FRY: variants seen among roughly 807,000 people sequenced by gnomAD.
The protein encoded by FRY is protein furry homolog.
A neutral mutation model predicts 348.4 loss-of-function variants in FRY; 128 were observed. The ratio of observed to expected loss-of-function variants is 0.37; its 90% CI spans 0.32 to 0.43. The LOEUF (loss-of-function observed/expected upper bound fraction) is 0.43, where lower values mean the gene tolerates loss of function less well. Among genes scored for constraint, FRY ranks in the 20% least tolerant of loss-of-function variants. FRY has a pLI of 1.00. For synonymous variants in FRY, 1,370 were observed against 1,374.7 expected (o/e 1.00, Z 0.08); for missense variants, 2,736 against 3,695.2 (o/e 0.74, Z 6.73).
chr13:32,135,262 T>A (rs1333085452), intron 10 of FRY, 79 bp downstream of exon 10: 7 of 861,796 alleles, frequency 8.1e-6, no homozygotes, highest in Non-Finnish European at 1.4e-5. Context: ...TGTTTGAGGA[T>A]CCTAAGGACT....
intron 4 of FRY, among the ~76,000 whole-genome samples, chr13:32,118,969 T>TA (rs1364321897): frequency 1.3e-5 from 2 of 152,196 alleles, no homozygotes; most frequent in Non-Finnish European, 2.9e-5. Flanking sequence ...TTTGTTCCTC[T>TA]GTTTTGTCAG....
chr13:32,173,656 C>T lies in FRY; in HGVS notation c.2334+107C>T, dbSNP rs1882218725. ...TACTATTTCAGGTACTTTTATGTTA[C>T]ATGTAGTGTTTCATTCATTGTTAGG... On this transcript the variant is annotated intron_variant, in intron 19 of 60. Coordinates refer to ENST00000542859, the MANE Select transcript of FRY (RefSeq NM_023037.3). 5 of 842,370 alleles carry T rather than the reference C, an allele frequency of 5.9e-6. No homozygotes were observed. The South Asian group carries it at 6.8e-5, about 12-fold the overall frequency. 52.2% of individuals were successfully genotyped at this position (842,370 alleles called of 1,614,324 possible).
chr13:32,093,019 C>T (rs1053637198), intron 2 of FRY, among the ~76,000 whole-genome samples: 5 of 152,126 alleles, frequency 3.3e-5, no homozygotes, highest in African/African-American at 1.2e-4. Context: ...AAAACGTAAA[C>T]ATATGCAAAC....
At chr13:32,194,395 A>G (rs1705994780) in intron 29 of FRY, 98 bp downstream of exon 29, 2 of 1,059,958 alleles carry the variant, frequency 1.9e-6, no homozygotes, top group Admixed American at 3.5e-5. Context: ...ATATGAGCAA[A>G]GTAAGTTCTA....
intron 1 of FRY, among the ~76,000 whole-genome samples, chr13:32,032,817 A>G (rs1872310947): frequency 6.6e-6 from 1 of 152,232 alleles, no homozygotes. Context: ...TAAATAAAAA[A>G]ATTTTTTCCC....
chr13:32,179,123 G>A, intron 22 of FRY, 90 bp downstream of exon 22: 1 of 902,550 alleles, frequency 1.1e-6, no homozygotes, highest in South Asian at 1.4e-5. Flanking sequence ...CACTGTGCCT[G>A]CCATCTGGAG....
chr13:32,286,747 CAAAAAAAAAAAAAAAAAAAAAAAAAA>C (rs6144991), intron 58 of FRY, among the ~76,000 whole-genome samples: 20 of 77,496 alleles, frequency 2.6e-4, no homozygotes, highest in Admixed American at 4.4e-4. Context: ...GACTCTGTCT[CAAAAAAAAAAAAAAAAAAAAAAAAAA>C]AAAAAAAAAA....
At position 32,135,071 on chromosome 13, in the gene FRY, C is replaced by T. The variant is rs770519139; in HGVS notation, c.979-14C>T. 6.4e-7 allele frequency: 1 copy of T among 1,568,298 alleles called. No homozygotes were observed. Among genetic ancestry groups the T allele is most frequent in the Non-Finnish European group, 8.8e-7 (1 of 1,138,366 alleles). ...ATTTTATTAATATAATATTCACATGCATCTCTATTTCAGGCTGTTAAAAAT... is the reference window on the plus strand; with the variant it reads ...ATTTTATTAATATAATATTCACATGTATCTCTATTTCAGGCTGTTAAAAAT... On this transcript the variant is annotated splice_polypyrimidine_tract_variant and intron_variant, in intron 9 of 60. Coordinates refer to ENST00000542859, the MANE Select transcript of FRY (RefSeq NM_023037.3).
At chr13:32,133,642 G>A (rs980298077) in intron 8 of FRY, among the ~76,000 whole-genome samples, 2 of 151,920 alleles carry the variant, frequency 1.3e-5, no homozygotes, top group East Asian at 1.9e-4. Flanking sequence ...ATAGAATGAG[G>A]ACTTTAGGGA....
In FRY at chr13:32,171,154, C is replaced by T. The variant is rs1162109335; in HGVS notation, c.2035C>T (p.His679Tyr). ...FLLREVNDMHHTLLDSSLKLL... is the reference protein window; with the variant it reads ...FLLREVNDMHYTLLDSSLKLL... ...GCTCCGGGAAGTAAATGATATGCATCACACACTCCTTGATTCGTCCCTGAA... is the reference window on the plus strand; with the variant it reads ...GCTCCGGGAAGTAAATGATATGCATTACACACTCCTTGATTCGTCCCTGAA... The change falls in exon 18 of 61, where the codon CAC becomes TAC. Residue 679 changes from histidine to tyrosine, a missense_variant. This residue lies in a region of FRY where 449 missense variants were observed against 576.9 expected (regional missense o/e 0.78). Transcript: ENST00000542859. The T allele has an allele frequency of 1.2e-6, 2 of 1,613,666 alleles. No individual in the cohort carries two copies. Among genetic ancestry groups the T allele is most frequent in the African/African-American group, 1.3e-5 (1 of 74,890 alleles).
intron 2 of FRY, among the ~76,000 whole-genome samples, chr13:32,092,152 G>T (rs1415693030): frequency 6.6e-6 from 1 of 152,110 alleles, no homozygotes; most frequent in Non-Finnish European, 1.5e-5. Context: ...TTTTAAAAAA[G>T]AAATATCTCT....
At chr13:32,061,034 G>C in intron 1 of FRY, 1 of 511,642 alleles carries the variant, frequency 2.0e-6, no homozygotes, top group Non-Finnish European at 4.0e-6. Context: ...CCATCATTAT[G>C]TGTTTTGGCT....
intron 17 of FRY, among the ~76,000 whole-genome samples, chr13:32,161,600 G>A (rs1012825719): frequency 2.0e-5 from 3 of 152,154 alleles, no homozygotes; most frequent in African/African-American, 7.2e-5. Flanking sequence ...ACTTCCTCTC[G>A]AAGGGAAGGT....
intron 59 of FRY, among the ~76,000 whole-genome samples, chr13:32,293,620 T>C (rs1445527849): frequency 6.6e-6 from 1 of 152,262 alleles, no homozygotes; most frequent in Non-Finnish European, 1.5e-5. Flanking sequence ...GTAGTATATT[T>C]TGAGACACTT....
chr13:32,141,313 A>C (rs1251517272), intron 11 of FRY, among the ~76,000 whole-genome samples: 1 of 152,254 alleles, frequency 6.6e-6, no homozygotes, highest in Admixed American at 6.5e-5. Flanking sequence ...GGTGAATCAT[A>C]ATCAAAGTAA....
At chr13:32,099,763 A>G (rs561997475) in intron 2 of FRY, among the ~76,000 whole-genome samples, 18 of 151,978 alleles carry the variant, frequency 1.2e-4, no homozygotes, top group Non-Finnish European at 7.4e-5. Context: ...TTTGAGTTAC[A>G]TTTTCTGGAG....
chr13:32,051,491 C>T (rs774903830), intron 1 of FRY, among the ~76,000 whole-genome samples: 1 of 152,126 alleles, frequency 6.6e-6, no homozygotes, highest in Non-Finnish European at 1.5e-5. Flanking sequence ...CCCCAGCACC[C>T]GAATTACTCC....
Position 32,295,517 on chromosome 13 carries a change from A to G in FRY, c.*57A>G. ...CTGGCAGTGCTGCCATGCTGGGGCAACGTCATTCAGTGTCTTCTCGGCCTT... is the reference window on the plus strand; with the variant it reads ...CTGGCAGTGCTGCCATGCTGGGGCAGCGTCATTCAGTGTCTTCTCGGCCTT... On this transcript the variant is annotated 3_prime_UTR_variant, in exon 61 of 61. Transcript: ENST00000542859. 3 of 1,537,816 alleles carry G rather than the reference A, an allele frequency of 2.0e-6. No individual in the cohort carries two copies. The highest frequency in any genetic ancestry group is 2.7e-6 in the Non-Finnish European group (3 of 1,119,786).
chr13:32,157,038 A>C (rs1321777470), intron 15 of FRY, among the ~76,000 whole-genome samples: 1 of 152,198 alleles, frequency 6.6e-6, no homozygotes, highest in African/African-American at 2.4e-5. Flanking sequence ...AAATACTTCC[A>C]ATTGAGTATT....
Sources: gnomAD v4.1 joint callset for allele counts (sites outside exome capture counted in the v4.1 genomes callset) on GRCh38, gnomAD v4.1.1 for gene constraint, gnomAD v4.1.1 regional missense constraint, MANE v1.5 for transcripts, NCBI Gene and HGNC (gene_info 2026-07-23, HGNC 2026-07-21) for gene names.